ADAMTSL3: variants seen among roughly 807,000 people sequenced by gnomAD.
The protein encoded by ADAMTSL3 is ADAMTS-like protein 3.
ADAMTSL3 carries 128 observed loss-of-function variants against 201.7 expected under a neutral mutation model. The ratio of observed to expected loss-of-function variants is 0.63; its 90% CI spans 0.55 to 0.73. The LOEUF (loss-of-function observed/expected upper bound fraction) is 0.73. Ranked by LOEUF, ADAMTSL3 falls within the 30% of genes least tolerant of loss-of-function variation. ADAMTSL3 has a pLI of 0.00. For synonymous variants in ADAMTSL3, 738 were observed against 748.4 expected, an observed-to-expected ratio of 0.99 and a Z score of 0.23; for missense variants, 1,990 against 2,119.6, an observed-to-expected ratio of 0.94 and a Z score of 1.20.
intron 3 of ADAMTSL3, among the ~76,000 whole-genome samples, chr15:83,713,887 G>A (rs1035684152): frequency 1.3e-5 from 2 of 152,158 alleles, no homozygotes; most frequent in East Asian, 1.9e-4. Flanking sequence ...GCTCCATGGG[G>A]CTTGAGTCTC....
intron 3 of ADAMTSL3, among the ~76,000 whole-genome samples, chr15:83,759,407 A>T (rs905098759): frequency 5.9e-5 from 9 of 152,040 alleles, no homozygotes; most frequent in African/African-American, 2.2e-4. Context: ...TTGTATTTTT[A>T]GTAGAGACGG....
chr15:84,031,202 T>TC (rs1313617271), intron 27 of ADAMTSL3, 133 bp from the exon 28 acceptor site: 7 of 825,270 alleles, frequency 8.5e-6, no homozygotes, highest in East Asian at 2.5e-5. Context: ...CCTCTTTAAC[T>TC]CCCCCCTGGG....
At position 83,982,367 on chromosome 15, in the gene ADAMTSL3, T is replaced by C. The variant is rs1199210309; in HGVS notation, c.2739T>C (p.Arg913=). The C allele has an allele frequency of 5.6e-6, 9 of 1,613,918 alleles. No homozygotes were observed. The South Asian group carries it at 9.9e-5, about 18-fold the overall frequency. ...ACATTCAGACAAGGGAAGAGAAGCG[T>C]ATTAACCTGACCATTGGTAGCAGAG... is the stretch of plus-strand genomic sequence containing the variant. ...RVYIQTREEK[R]INLTIGSRAY... Residue 913 remains arginine (R), a synonymous_variant, in exon 21 of 30, where the codon CGT becomes CGC. Coordinates refer to ENST00000286744, the MANE Select transcript of ADAMTSL3 (RefSeq NM_207517.3).
intron 15 of ADAMTSL3, among the ~76,000 whole-genome samples, chr15:83,907,776 C>T (rs2141944934): frequency 6.6e-6 from 1 of 152,268 alleles, no homozygotes; most frequent in Non-Finnish European, 1.5e-5. Flanking sequence ...ATCCATTTAT[C>T]TGTAGGTGAG....
chr15:83,738,548 A>C (rs1449502365), intron 3 of ADAMTSL3, among the ~76,000 whole-genome samples: 3 of 152,176 alleles, frequency 2.0e-5, no homozygotes, highest in African/African-American at 7.2e-5. Flanking sequence ...AAATTTGTTT[A>C]ATTTATTTAA....
chr15:83,892,091 C>G (rs145525948), intron 12 of ADAMTSL3, among the ~76,000 whole-genome samples: 82 of 152,100 alleles, frequency 5.4e-4, no homozygotes, highest in African/African-American at 2.0e-3. Context: ...TGGCAGGTGC[C>G]TGTAATCCCA....
chr15:83,833,469 C>G (rs754796223), intron 6 of ADAMTSL3, among the ~76,000 whole-genome samples: 3 of 152,040 alleles, frequency 2.0e-5, no homozygotes, highest in Admixed American at 2.0e-4. Flanking sequence ...TGTTTCACCT[C>G]CTAGTACCAT....
chr15:83,781,090 A>G (rs2063160792), intron 4 of ADAMTSL3, among the ~76,000 whole-genome samples: 1 of 152,210 alleles, frequency 6.6e-6, no homozygotes, highest in Admixed American at 6.5e-5. Context: ...AATTATTTAC[A>G]GAACTAGAAA....
At chr15:83,672,621 A>C (rs1316746533) in intron 2 of ADAMTSL3, among the ~76,000 whole-genome samples, 1 of 152,234 alleles carries the variant, frequency 6.6e-6, no homozygotes, top group Non-Finnish European at 1.5e-5. Flanking sequence ...TTGAGAGAGA[A>C]GAGAAAAGAG....
At chr15:83,805,116 C>A (rs1056065125) in intron 5 of ADAMTSL3, among the ~76,000 whole-genome samples, 8 of 152,164 alleles carry the variant, frequency 5.3e-5, no homozygotes, top group Non-Finnish European at 8.8e-5. Context: ...AGTAGACTTA[C>A]TTGAACTGGT....
At chr15:83,839,465 G>A (rs760726060) in intron 7 of ADAMTSL3, among the ~76,000 whole-genome samples, 45 of 152,166 alleles carry the variant, frequency 3.0e-4, no homozygotes, top group Admixed American at 5.9e-4. Flanking sequence ...TTCAGATTAA[G>A]TGGAGCCCTC....
chr15:83,750,525 C>T (rs1285876058), intron 3 of ADAMTSL3, among the ~76,000 whole-genome samples: 1 of 151,450 alleles, frequency 6.6e-6, no homozygotes, highest in African/African-American at 2.4e-5. Flanking sequence ...CCTTCTTTTT[C>T]AAAATGGTTC....
Position 84,004,471 on chromosome 15 carries a change from C to G in ADAMTSL3, c.3974-10071C>G, listed in dbSNP as rs560805520. Among the ~76,000 whole-genome samples the G allele has an allele frequency of 3.3e-5, 5 of 152,206 alleles. No individual in the cohort carries two copies. In the South Asian group the frequency reaches 6.2e-4, roughly 19 times the overall value. On this transcript the variant is annotated intron_variant, in intron 23 of 29. Transcript: ENST00000286744. ...CTCTTCCTCAGGAATTAGTGGGTAA[C>G]CAGAGGTCAACTAGAACCAGGAGTA...
intron 3 of ADAMTSL3, among the ~76,000 whole-genome samples, chr15:83,708,999 G>A (rs1315405652): frequency 6.6e-6 from 1 of 152,132 alleles, no homozygotes; most frequent in African/African-American, 2.4e-5. Context: ...ATATCCAGGA[G>A]CTTCTCTCAG....
chr15:83,914,194 C>T (rs1369673847), intron 16 of ADAMTSL3, among the ~76,000 whole-genome samples: 1 of 152,164 alleles, frequency 6.6e-6, no homozygotes, highest in Non-Finnish European at 1.5e-5. Context: ...CCTGAATGTG[C>T]TCTGCTCTTG....
chr15:83,791,439 C>T (rs964072320), intron 4 of ADAMTSL3, among the ~76,000 whole-genome samples: 8 of 152,174 alleles, frequency 5.3e-5, no homozygotes, highest in African/African-American at 1.9e-4. Flanking sequence ...CACACATTTA[C>T]AGCCAACTGA....
chr15:83,906,616 CACA>C (rs1480183498), intron 15 of ADAMTSL3, among the ~76,000 whole-genome samples: 4 of 25,080 alleles, frequency 1.6e-4, no homozygotes, highest in East Asian at 1.2e-3. Flanking sequence ...TATATAGTGC[CACA>C]CACCACACAC....
chr15:83,898,156 T>A, intron 14 of ADAMTSL3, 151 bp downstream of exon 14: 1 of 885,636 alleles, frequency 1.1e-6, no homozygotes, highest in East Asian at 2.7e-5. Flanking sequence ...GATAAAGAAG[T>A]TAGATATATG....
intron 13 of ADAMTSL3, among the ~76,000 whole-genome samples, chr15:83,895,567 G>C (rs981244747): frequency 1.3e-5 from 2 of 152,090 alleles, no homozygotes; most frequent in Non-Finnish European, 2.9e-5. Context: ...CATCATCGAG[G>C]ACATATGCAG....
Sources: gnomAD v4.1 joint callset for allele counts (sites outside exome capture counted in the v4.1 genomes callset) on GRCh38, gnomAD v4.1.1 for gene constraint, MANE v1.5 for transcripts, NCBI Gene and HGNC (gene_info 2026-07-23, HGNC 2026-07-21) for gene names.